The following UNC80 variants were observed in gnomAD, a reference collection of about 807,000 sequenced individuals.
UNC80 encodes the protein protein unc-80 homolog.
Under a neutral mutation model 384.6 loss-of-function variants are expected in UNC80, and 164 were observed. The ratio of observed to expected loss-of-function variants is 0.43; its 90% CI spans 0.38 to 0.49. UNC80 has a LOEUF of 0.49. Among genes scored for constraint, UNC80 ranks in the 20% least tolerant of loss-of-function variants. The pLI is 0.00. For missense variants in UNC80, 3,330 were observed against 4,143.0 expected (o/e 0.80, Z 5.39); for synonymous variants, 1,486 against 1,527.8 (o/e 0.97, Z 0.64).
Position 209,957,670 on chromosome 2 carries a change from G to T in UNC80, c.7484G>T (p.Arg2495Met). The T allele has an allele frequency of 6.4e-7, 1 of 1,551,476 alleles. No homozygotes were observed. The highest frequency in any genetic ancestry group is 8.7e-7 in the Non-Finnish European group (1 of 1,146,854). Residue 2495 changes from arginine to methionine, a missense_variant, in exon 49 of 65, where the codon AGG becomes ATG. Physicochemically the swap from Arg to Met is moderately conservative, Grantham distance 91 (BLOSUM62 -1). Around this residue, in one of 8 missense-constraint regions of UNC80, gnomAD observed 1,049 missense variants for 1,488.6 expected, o/e 0.70. Transcript: ENST00000673920. ...TRPMTAPQMS[R>M]CDQGHKGTTT... ...CCCATGACAGCCCCACAGATGAGCA[G>T]GTGTGACCAAGGTCATAAGGGAACC...
chr2:209,911,216 C>G (rs1390198186), intron 29 of UNC80, among the ~76,000 whole-genome samples: 1 of 152,020 alleles, frequency 6.6e-6, no homozygotes, highest in African/African-American at 2.4e-5. Flanking sequence ...TATCTTGACT[C>G]TTTTGCAAGG....
intron 29 of UNC80, among the ~76,000 whole-genome samples, chr2:209,908,493 C>T (rs2088534907): frequency 6.6e-6 from 1 of 152,128 alleles, no homozygotes; most frequent in South Asian, 2.1e-4. Context: ...TCCTCTATGT[C>T]TGTACTTTGT....
chr2:209,800,313 C>A (rs1162491113), intron 7 of UNC80, among the ~76,000 whole-genome samples: 2 of 151,974 alleles, frequency 1.3e-5, no homozygotes, highest in Non-Finnish European at 2.9e-5. Flanking sequence ...AGGAATTTAT[C>A]CCTTTCTTCT....
intron 64 of UNC80, 75 bp from the exon 65 acceptor site, chr2:209,995,254 A>G: frequency 6.6e-7 from 1 of 1,511,584 alleles, no homozygotes; most frequent in Non-Finnish European, 8.9e-7. Flanking sequence ...TTACCACTAG[A>G]CAACAACATT....
chr2:209,939,738 T>C, intron 43 of UNC80, 86 bp downstream of exon 43: 2 of 1,265,420 alleles, frequency 1.6e-6, no homozygotes, highest in Non-Finnish European at 1.1e-6. Flanking sequence ...TATTATACTT[T>C]AAGTTTTAGG....
At chr2:209,910,722 A>G (rs770946913) in intron 29 of UNC80, among the ~76,000 whole-genome samples, 1 of 149,098 alleles carries the variant, frequency 6.7e-6, no homozygotes, top group Non-Finnish European at 1.5e-5. Context: ...CTGTAATTTA[A>G]TCAAGAAATA....
chr2:209,855,675 T>A (rs1230267323), intron 22 of UNC80, among the ~76,000 whole-genome samples: 1 of 152,190 alleles, frequency 6.6e-6, no homozygotes, highest in African/African-American at 2.4e-5. Context: ...CACATTGGTA[T>A]GTGTCTTTAG....
intron 48 of UNC80, among the ~76,000 whole-genome samples, chr2:209,955,969 C>T (rs1483543660): frequency 6.6e-6 from 1 of 151,716 alleles, no homozygotes; most frequent in Non-Finnish European, 1.5e-5. Context: ...GTCTCGAACT[C>T]CTGGCCTCAA....
intron 9 of UNC80, among the ~76,000 whole-genome samples, chr2:209,815,880 A>T (rs2079700403): frequency 6.6e-6 from 1 of 152,100 alleles, no homozygotes; most frequent in African/African-American, 2.4e-5. Flanking sequence ...AATACGTTAT[A>T]TTTTTCTGCC....
chr2:209,777,670 A>G (rs1416386683), intron 4 of UNC80, 111 bp downstream of exon 4: 3 of 1,193,460 alleles, frequency 2.5e-6, no homozygotes, highest in South Asian at 1.5e-5. Flanking sequence ...CCTTACAGCA[A>G]GTCAAGGCAT....
intron 59 of UNC80, 57 bp from the exon 60 acceptor site, chr2:209,982,122 G>C: frequency 6.6e-7 from 1 of 1,511,298 alleles, no homozygotes. Context: ...GCTTTGGTTG[G>C]GTTTTTCTGA....
At position 209,994,110 on chromosome 2, in the gene UNC80, C is replaced by T; in HGVS notation, c.9554C>T (p.Pro3185Leu). ...ACCTTCATTGAGGCTCAGCCAGAGC[C>T]AGCAGCTGCCCCAACAGATGCGCTT... ...SVTFIEAQPE[P>L]AAAPTDALPA... Residue 3185 changes from proline to leucine, a missense_variant, in exon 64 of 65, where the codon CCA becomes CTA. Physicochemically the swap from Pro to Leu is moderately conservative, Grantham distance 98. Coordinates refer to ENST00000673920, the MANE Select transcript of UNC80 (RefSeq NM_001371986.1). 6.4e-7 allele frequency: 1 copy of T among 1,551,626 alleles called. No individual in the cohort carries two copies. The highest frequency in any genetic ancestry group is 8.7e-7 in the Non-Finnish European group (1 of 1,146,952).
chr2:209,832,020 T>C (rs2081007212), intron 16 of UNC80, among the ~76,000 whole-genome samples: 1 of 152,226 alleles, frequency 6.6e-6, no homozygotes, highest in South Asian at 2.1e-4. Flanking sequence ...AAGTACTGTC[T>C]GTAATCTTTT....
At chr2:209,938,330 T>A (rs1323969949) in intron 42 of UNC80, among the ~76,000 whole-genome samples, 1 of 152,242 alleles carries the variant, frequency 6.6e-6, no homozygotes, top group African/African-American at 2.4e-5. Context: ...CATTTTTAAA[T>A]AAAATCTTTA....
Position 209,872,935 on chromosome 2 carries a change from T to C in UNC80, c.3805T>C (p.Trp1269Arg). The change falls in exon 23 of 65, where the codon TGG (tryptophan) becomes CGG (arginine). Residue 1269 changes from tryptophan (W) to arginine (R), a missense_variant. Trp to Arg is a moderately radical substitution (Grantham distance 101, BLOSUM62 -3). Around this residue, in one of 8 missense-constraint regions of UNC80, gnomAD observed 801 missense variants for 950.8 expected, o/e 0.84. Transcript: ENST00000673920. This position sits in a 1 kb window ranked among gnomAD's most constrained non-coding sequence, Gnocchi z 4.1. ...CAACAAGCGAAACCAGAAGCTGCAGTGGAATGCAGCCAAGCTCTTCTACCA... is the reference window on the plus strand; with the variant it reads ...CAACAAGCGAAACCAGAAGCTGCAGCGGAATGCAGCCAAGCTCTTCTACCA... Reference protein sequence around the residue: ...VGNKRNQKLQWNAAKLFYQWG... With the variant: ...VGNKRNQKLQRNAAKLFYQWG... The C allele has an allele frequency of 6.4e-7, 1 of 1,551,664 alleles. No homozygotes were observed. The highest frequency in any genetic ancestry group is 8.7e-7 in the Non-Finnish European group (1 of 1,146,968).
chr2:209,875,237 A>T (rs1425068618), intron 23 of UNC80, among the ~76,000 whole-genome samples: 1 of 152,176 alleles, frequency 6.6e-6, no homozygotes, highest in Non-Finnish European at 1.5e-5. Flanking sequence ...TGCAAATTAG[A>T]GTGTGTTTCT....
intron 35 of UNC80, among the ~76,000 whole-genome samples, chr2:209,924,393 G>A: frequency 6.6e-6 from 1 of 152,180 alleles, no homozygotes; most frequent in East Asian, 1.9e-4. Flanking sequence ...GTCAGGTAAT[G>A]ATTAGACAGA....
intron 18 of UNC80, among the ~76,000 whole-genome samples, chr2:209,837,852 A>G (rs1000455050): frequency 4.6e-5 from 7 of 151,700 alleles, no homozygotes; most frequent in African/African-American, 1.7e-4. Flanking sequence ...GCTCACTGCA[A>G]GCTCCTCCTC....
intron 6 of UNC80, 134 bp downstream of exon 6, chr2:209,789,739 T>G: frequency 1.7e-6 from 1 of 591,876 alleles, no homozygotes; most frequent in South Asian, 2.5e-5. Context: ...GTGCAACTTT[T>G]AACAGCTTCA....
Sources: gnomAD v4.1 joint callset for allele counts (sites outside exome capture counted in the v4.1 genomes callset) on GRCh38, gnomAD v4.1.1 for gene constraint, gnomAD v4.1.1 regional missense constraint, Gnocchi (gnomAD v3.1) non-coding constraint, MANE v1.5 for transcripts, NCBI Gene and HGNC (gene_info 2026-07-23, HGNC 2026-07-21) for gene names.